The following CEP162 variants were observed in gnomAD, a reference collection of about 807,000 sequenced individuals.
CEP162 encodes centrosomal protein of 162 kDa.
In CEP162, 141 loss-of-function variants were observed where a neutral mutation model predicts 169.2. That is an observed-to-expected ratio of 0.83 (90% confidence interval 0.73 to 0.96). CEP162 has a LOEUF of 0.96. Among genes scored for constraint, CEP162 ranks in the 40% least tolerant of loss-of-function variants. CEP162 has a pLI of 0.00. For missense variants in CEP162, 1,600 were observed against 1,587.2 expected (o/e 1.01, Z -0.14); for synonymous variants, 540 against 526.4 (o/e 1.03, Z -0.35).
At chr6:84,190,558 C>T (rs1266383265) in intron 11 of CEP162, among the ~76,000 whole-genome samples, 3 of 151,970 alleles carry the variant, frequency 2.0e-5, no homozygotes, top group Non-Finnish European at 2.9e-5. Flanking sequence ...AGCGAGACCA[C>T]GAGCCCACCG....
chr6:84,127,911 T>C (rs1161821931), intron 25 of CEP162, among the ~76,000 whole-genome samples: 2 of 152,180 alleles, frequency 1.3e-5, no homozygotes. Flanking sequence ...TGTGTTTGAA[T>C]TGAGTCTTAA....
At chr6:84,154,367 TCTATCTATCTAC>T (rs528603778) in intron 22 of CEP162, among the ~76,000 whole-genome samples, 5,732 of 149,576 alleles carry the variant, frequency 0.038, 155 homozygotes, top group Admixed American at 0.075. Context: ...TGTCTATCTA[TCTATCTATCTAC>T]CTATCTATCT....
chr6:84,178,669 T>A (rs2099533395), intron 13 of CEP162, among the ~76,000 whole-genome samples: 1 of 152,208 alleles, frequency 6.6e-6, no homozygotes, highest in African/African-American at 2.4e-5. Flanking sequence ...TTTTCTTTTT[T>A]AAATTTTTTA....
At chr6:84,208,096 C>T (rs2099548023) in intron 6 of CEP162, among the ~76,000 whole-genome samples, 2 of 151,264 alleles carry the variant, frequency 1.3e-5, no homozygotes, top group Middle Eastern at 3.2e-3. Context: ...ATCTCTGACC[C>T]TTCCCTTAGG....
At chr6:84,152,492 CT>C (rs1274322772) in intron 23 of CEP162, 52 bp downstream of exon 23, 10 of 1,014,576 alleles carry the variant, frequency 9.9e-6, no homozygotes, top group Non-Finnish European at 1.2e-5. Flanking sequence ...TATAATTTTT[CT>C]ATTTTTATCT....
intron 13 of CEP162, among the ~76,000 whole-genome samples, chr6:84,180,155 T>A (rs2099534150): frequency 6.6e-6 from 1 of 152,054 alleles, no homozygotes; most frequent in Non-Finnish European, 1.5e-5. Flanking sequence ...CATGATCAGG[T>A]GGGCTTCATC....
intron 3 of CEP162, among the ~76,000 whole-genome samples, chr6:84,220,045 C>T (rs1041617869): frequency 1.3e-5 from 2 of 152,090 alleles, no homozygotes; most frequent in African/African-American, 2.4e-5. Context: ...GGCAGGGAGG[C>T]CTATGGTGTT....
At chr6:84,222,685 T>TC (rs1462446327) in intron 2 of CEP162, among the ~76,000 whole-genome samples, 1 of 152,248 alleles carries the variant, frequency 6.6e-6, no homozygotes, top group Non-Finnish European at 1.5e-5. Context: ...CTGTCCACTT[T>TC]CCACTATACT....
intron 25 of CEP162, among the ~76,000 whole-genome samples, chr6:84,130,985 G>T (rs1045936103): frequency 6.6e-6 from 1 of 152,050 alleles, no homozygotes; most frequent in Admixed American, 6.6e-5. Context: ...TTTCTCTTGT[G>T]GGCATTTAGT....
intron 11 of CEP162, among the ~76,000 whole-genome samples, chr6:84,189,561 C>T (rs2099538835): frequency 1.3e-5 from 2 of 152,236 alleles, no homozygotes; most frequent in Admixed American, 6.5e-5. Context: ...TGCTGGCCCA[C>T]CGGCGCTGCG....
At chr6:84,128,498 A>G (rs1037775906) in intron 25 of CEP162, among the ~76,000 whole-genome samples, 8 of 152,172 alleles carry the variant, frequency 5.3e-5, no homozygotes, top group African/African-American at 1.9e-4. Flanking sequence ...ACCTAGAGTC[A>G]GAGGCAATGG....
intron 3 of CEP162, chr6:84,217,689 G>A (rs2099552104): frequency 6.6e-6 from 1 of 152,350 alleles, no homozygotes; most frequent in Non-Finnish European, 1.5e-5. Flanking sequence ...TGGCAGGCAA[G>A]ATTTTTTGGT....
intron 21 of CEP162, among the ~76,000 whole-genome samples, chr6:84,159,829 G>A (rs2099525015): frequency 6.6e-6 from 1 of 151,532 alleles, no homozygotes; most frequent in Non-Finnish European, 1.5e-5. Flanking sequence ...TGATTCTCCT[G>A]CCTCTGCCTC....
At chr6:84,199,428 G>GTCCTCTT (rs1588859049) in intron 9 of CEP162, among the ~76,000 whole-genome samples, 1 of 151,906 alleles carries the variant, frequency 6.6e-6, no homozygotes, top group East Asian at 1.9e-4. Flanking sequence ...TGTGGTTTAG[G>GTCCTCTT]TCCTCTTGTT....
At chr6:84,223,109 C>T (rs1427915638) in intron 2 of CEP162, among the ~76,000 whole-genome samples, 2 of 152,162 alleles carry the variant, frequency 1.3e-5, no homozygotes, top group African/African-American at 2.4e-5. Flanking sequence ...GAAATGAAGA[C>T]TTCTAATACA....
At position 84,124,793 on chromosome 6, in the gene CEP162, T is replaced by C; in HGVS notation, c.*277A>G. The C allele has an allele frequency of 5.1e-6, 2 of 390,228 alleles. No individual in the cohort carries two copies. Among genetic ancestry groups the C allele is most frequent in the Non-Finnish European group, 9.0e-6 (2 of 221,134 alleles). 24.2% of individuals were successfully genotyped at this position (390,228 alleles called of 1,614,324 possible). ...GCGGAGTATGTTCAATTTTCTTTTCTTTCTATTTCTAGCATACAAGTGAGC... is the reference window on the plus strand; with the variant it reads ...GCGGAGTATGTTCAATTTTCTTTTCCTTCTATTTCTAGCATACAAGTGAGC... On this transcript the variant is annotated 3_prime_UTR_variant, in exon 27 of 27. Coordinates refer to ENST00000403245, the MANE Select transcript of CEP162 (RefSeq NM_014895.4).
intron 6 of CEP162, among the ~76,000 whole-genome samples, chr6:84,208,955 G>C (rs546533198): frequency 8.4e-4 from 128 of 152,328 alleles, no homozygotes; most frequent in African/African-American, 3.0e-3. Context: ...CTTAAGAAAA[G>C]ATGATGAACA....
intron 21 of CEP162, among the ~76,000 whole-genome samples, chr6:84,156,460 G>GA (rs1260352940): frequency 6.6e-6 from 1 of 151,988 alleles, no homozygotes; most frequent in Admixed American, 6.6e-5. Flanking sequence ...CAAAAAATAT[G>GA]AAAAAATGCT....
chr6:84,156,306 G>A (rs1301738715), intron 21 of CEP162, among the ~76,000 whole-genome samples: 1 of 152,014 alleles, frequency 6.6e-6, no homozygotes, highest in African/African-American at 2.4e-5. Flanking sequence ...TTTGAACACT[G>A]GCCCAGGCAA....
Sources: allele counts gnomAD v4.1 joint callset (sites outside exome capture counted in the v4.1 genomes callset), GRCh38; gene constraint gnomAD v4.1.1; transcripts MANE v1.5; gene names NCBI Gene and HGNC (gene_info 2026-07-23, HGNC 2026-07-21).